SEPTIN11: variants seen among roughly 807,000 people sequenced by gnomAD.
SEPTIN11 encodes septin 11.
Under a neutral mutation model 51.4 loss-of-function variants are expected in SEPTIN11, and 25 were observed. The observed-to-expected ratio is 0.49, with a 90% CI of 0.35 to 0.68. The LOEUF (loss-of-function observed/expected upper bound fraction) is 0.68. Ranked by LOEUF, SEPTIN11 falls within the 30% of genes least tolerant of loss-of-function variation. The pLI is 0.00. For synonymous variants in SEPTIN11, 174 were observed against 184.1 expected, an observed-to-expected ratio of 0.95 and a Z score of 0.44; for missense variants, 381 against 520.8, an observed-to-expected ratio of 0.73 and a Z score of 2.61.
chr4:76,999,314 A>G (rs1005525262), intron 2 of SEPTIN11, among the ~76,000 whole-genome samples: 1 of 152,200 alleles, frequency 6.6e-6, no homozygotes, highest in African/African-American at 2.4e-5. Flanking sequence ...CTGTCAATCA[A>G]TGGTCCATCT....
At chr4:76,970,023 C>T (rs1314802012) in intron 1 of SEPTIN11, among the ~76,000 whole-genome samples, 1 of 152,196 alleles carries the variant, frequency 6.6e-6, no homozygotes, top group African/African-American at 2.4e-5. Context: ...TAAATAACAG[C>T]TCAACTCCCA....
intron 7 of SEPTIN11, among the ~76,000 whole-genome samples, chr4:77,023,988 T>C (rs901658230): frequency 6.6e-6 from 1 of 152,188 alleles, no homozygotes; most frequent in African/African-American, 2.4e-5. Flanking sequence ...GGGTGTGCAG[T>C]GAAGTTCATC....
At chr4:76,953,630 A>T (rs1030037958) in intron 1 of SEPTIN11, among the ~76,000 whole-genome samples, 3 of 152,144 alleles carry the variant, frequency 2.0e-5, no homozygotes, top group Admixed American at 2.0e-4. Context: ...TAAACAATAA[A>T]GGGACTGTCA....
At chr4:77,019,292 C>T in intron 6 of SEPTIN11, 31 bp downstream of exon 6, 2 of 1,541,808 alleles carry the variant, frequency 1.3e-6, no homozygotes, top group African/African-American at 2.7e-5. Flanking sequence ...ATGGAGTCTT[C>T]ATATTTAGCC....
intron 1 of SEPTIN11, among the ~76,000 whole-genome samples, chr4:76,987,259 A>C (rs1220809724): frequency 1.3e-5 from 2 of 152,008 alleles, no homozygotes; most frequent in Admixed American, 6.5e-5. Context: ...TTTTCTCTTA[A>C]CAGTTCCTCA....
Position 76,967,246 on chromosome 4 carries a change from A to G in SEPTIN11, c.27+17316A>G, listed in dbSNP as rs565618387. 2.0e-5 allele frequency among the ~76,000 whole-genome samples: 3 copies of G among 152,344 alleles called. No homozygotes were observed. In the South Asian group the frequency reaches 6.2e-4, roughly 32 times the overall value. On this transcript the variant is annotated intron_variant, in intron 1 of 9. Transcript: ENST00000264893. The stretch of plus-strand genomic sequence containing the variant: ...ACCTGATGTAGCTATAACATTAATA[A>G]GAAATAGAAATTTATCTAACTTTCT...
At chr4:76,963,724 G>C (rs1001110980) in intron 1 of SEPTIN11, among the ~76,000 whole-genome samples, 1 of 152,154 alleles carries the variant, frequency 6.6e-6, no homozygotes, top group Non-Finnish European at 1.5e-5. Flanking sequence ...CTACCATACT[G>C]TATAGTGCAG....
intron 1 of SEPTIN11, among the ~76,000 whole-genome samples, chr4:76,956,993 T>TGTGTGTGTGTGTGTGTGTGTGTGTGAGA (rs769320568): frequency 1.0e-5 from 1 of 98,486 alleles, no homozygotes; most frequent in African/African-American, 3.3e-5. Context: ...TGTGTGTGTG[T>TGTGTGTGTGTGTGTGTGTGTGTGTGAGA]GAGAGAGAGA....
At chr4:76,987,917 A>C (rs1325733589) in intron 1 of SEPTIN11, 40 of 687,866 alleles carry the variant, frequency 5.8e-5, no homozygotes, top group Non-Finnish European at 7.0e-5. Context: ...TAAGGAGAAA[A>C]GACAGAGCTC....
intron 1 of SEPTIN11, 66 bp from the exon 2 acceptor site, chr4:76,996,359 T>G (rs1723718633): frequency 3.7e-6 from 4 of 1,085,722 alleles, no homozygotes; most frequent in Non-Finnish European, 5.7e-6. Flanking sequence ...ATGTAATGTT[T>G]GTGATATGTG....
intron 1 of SEPTIN11, among the ~76,000 whole-genome samples, chr4:76,976,160 CCT>C (rs1343872890): frequency 7.2e-5 from 11 of 152,128 alleles, no homozygotes; most frequent in African/African-American, 2.4e-4. Flanking sequence ...CTTAAAGAAA[CCT>C]CTGGTTTTTA....
Position 77,035,302 on chromosome 4 carries a change from A to C in SEPTIN11, c.*790A>C, listed in dbSNP as rs572007583. 2.1e-5 allele frequency: 21 copies of C among 985,442 alleles called. No homozygotes were observed. In the East Asian group the frequency reaches 2.3e-3, roughly 107 times the overall value. 61.0% of individuals were successfully genotyped at this position (985,442 alleles called of 1,614,324 possible). ...TTAGTAGAAGAATCTTCTTCTAAGG[A>C]TGATGGGCTTTCTACAGCCTGCTTA... On this transcript the variant is annotated 3_prime_UTR_variant, in exon 10 of 10. Coordinates refer to ENST00000264893, the MANE Select transcript of SEPTIN11 (RefSeq NM_018243.4).
intron 1 of SEPTIN11, chr4:76,959,253 G>GT (rs369576947): frequency 2.9e-3 from 394 of 135,934 alleles, no homozygotes; most frequent in East Asian, 5.9e-3. Context: ...ACAAGACAAG[G>GT]TTTTTTTTTT....
intron 2 of SEPTIN11, among the ~76,000 whole-genome samples, chr4:77,003,391 TCTGA>T (rs1366624268): frequency 2.6e-4 from 39 of 152,146 alleles, no homozygotes; most frequent in African/African-American, 8.7e-4. Flanking sequence ...TAAATTAGAG[TCTGA>T]CTGGTATTAT....
At chr4:76,969,459 TGA>T (rs1427854984) in intron 1 of SEPTIN11, among the ~76,000 whole-genome samples, 3 of 152,216 alleles carry the variant, frequency 2.0e-5, no homozygotes, top group African/African-American at 7.2e-5. Context: ...ATGAGACATT[TGA>T]ACTTCACTTT....
At chr4:77,030,224 C>T (rs1726514110) in intron 8 of SEPTIN11, among the ~76,000 whole-genome samples, 1 of 151,816 alleles carries the variant, frequency 6.6e-6, no homozygotes, top group African/African-American at 2.4e-5. Context: ...TCACTACTCT[C>T]CAGCCTGGGC....
chr4:77,001,956 C>T (rs1300060438), intron 2 of SEPTIN11, among the ~76,000 whole-genome samples: 1 of 152,124 alleles, frequency 6.6e-6, no homozygotes, highest in Non-Finnish European at 1.5e-5. Context: ...ATGGGGAACA[C>T]AGTGAGACCC....
chr4:76,976,695 A>G (rs1449687754), intron 1 of SEPTIN11, among the ~76,000 whole-genome samples: 3 of 152,368 alleles, frequency 2.0e-5, no homozygotes, highest in East Asian at 3.9e-4. Flanking sequence ...TGATGACCCA[A>G]TACCTCTAGT....
rs374654205 is a variant in SEPTIN11 at position 76,960,448 on chromosome 4, GA to G, written c.27+10519del. Among the ~76,000 whole-genome samples the G allele has an allele frequency of 2.1e-3, 320 of 152,266 alleles. 1 individual carries two copies. The highest frequency in any genetic ancestry group is 7.3e-3 in the African/African-American group (303 of 41,560). On this transcript the variant is annotated intron_variant, in intron 1 of 9. Transcript: ENST00000264893. Reference sequence around the variant, plus strand: ...CAAGGTATTTTATGAACTTAAGGCAGATAAGATGAGGTCTCAGGTATCAAAA... The same window carrying G: ...CAAGGTATTTTATGAACTTAAGGCAGTAAGATGAGGTCTCAGGTATCAAAA...
Sources: gnomAD v4.1 joint callset for allele counts (sites outside exome capture counted in the v4.1 genomes callset) on GRCh38, gnomAD v4.1.1 for gene constraint, MANE v1.5 for transcripts, NCBI Gene and HGNC (gene_info 2026-07-23, HGNC 2026-07-21) for gene names.